PIGV: variants seen among roughly 807,000 people sequenced by gnomAD.
The protein encoded by PIGV is phosphatidylinositol glycan anchor biosynthesis class V.
A neutral mutation model predicts 39.2 loss-of-function variants in PIGV; 27 were observed. The observed-to-expected ratio is 0.69, with a 90% confidence interval of 0.51 to 0.95. The LOEUF (loss-of-function observed/expected upper bound fraction) is 0.95. PIGV is among the 40% of genes least tolerant of loss of function. PIGV has a pLI of 0.00. For missense variants in PIGV, 523 were observed against 586.4 expected (o/e 0.89, Z 1.12); for synonymous variants, 232 against 241.7 (o/e 0.96, Z 0.37).
At chr1:26,796,582 T>C (rs1246683781) in intron 3 of PIGV, among the ~76,000 whole-genome samples, 1 of 152,082 alleles carries the variant, frequency 6.6e-6, no homozygotes, top group Non-Finnish European at 1.5e-5. Flanking sequence ...AATGAGATTT[T>C]CCATATAAGA....
intron 3 of PIGV, 99 bp downstream of exon 3, chr1:26,795,333 A>C: frequency 7.4e-7 from 1 of 1,359,572 alleles, no homozygotes; most frequent in Non-Finnish European, 1.0e-6. Context: ...TGAGTGATCC[A>C]TACTGAATTT....
intron 2 of PIGV, among the ~76,000 whole-genome samples, chr1:26,793,594 C>A (rs1303807422): frequency 6.6e-6 from 1 of 152,072 alleles, no homozygotes; most frequent in African/African-American, 2.4e-5. Flanking sequence ...AGGGTTCAGT[C>A]CTCAAGAAGA....
At chr1:26,789,775 GTCC>G (rs1423001033) in intron 1 of PIGV, among the ~76,000 whole-genome samples, 2 of 152,230 alleles carry the variant, frequency 1.3e-5, no homozygotes, top group East Asian at 3.9e-4. Context: ...TCTTCCAGCC[GTCC>G]TCCTTAAATT....
At chr1:26,793,918 T>A (rs1557627791) in intron 2 of PIGV, among the ~76,000 whole-genome samples, 195 bp from the exon 3 acceptor site, 1 of 151,954 alleles carries the variant, frequency 6.6e-6, no homozygotes, top group African/African-American at 2.4e-5. Flanking sequence ...CTTTTTTTTT[T>A]AGTTTTTATA....
At position 26,790,564 on chromosome 1, in the gene PIGV, T is replaced by G. The variant is rs1373237007; in HGVS notation, c.-57-195T>G. 2.0e-5 allele frequency among the ~76,000 whole-genome samples: 3 copies of G among 152,250 alleles called. No individual in the cohort carries two copies. The East Asian group carries it at 5.8e-4, about 29-fold the overall frequency. ...CTACTTGCTTAGCTGTATGGAACTT[T>G]ACCAACGACAGTTCAGGGCTTCACA... On this transcript the variant is annotated intron_variant, in intron 1 of 3. Coordinates refer to ENST00000674202, the MANE Select transcript of PIGV (RefSeq NM_017837.4).
At chr1:26,790,960 T>C in intron 2 of PIGV, 67 bp downstream of exon 2, 1 of 1,286,770 alleles carries the variant, frequency 7.8e-7, no homozygotes, top group Non-Finnish European at 1.1e-6. Flanking sequence ...GTAAGAAGTG[T>C]CCCCATCTCC....
At position 26,799,190 on chromosome 1, in the gene PIGV, G is replaced by A. The variant is rs1426313605; in HGVS notation, c.*1346G>A. ...CAATGAGGGAAAGCAGTAACATCTGGCAGATAAGGTGCCTGTTGTGCCGTT... is the reference window on the plus strand; with the variant it reads ...CAATGAGGGAAAGCAGTAACATCTGACAGATAAGGTGCCTGTTGTGCCGTT... On this transcript the variant is annotated 3_prime_UTR_variant, in exon 4 of 4. Coordinates refer to ENST00000674202, the MANE Select transcript of PIGV (RefSeq NM_017837.4). Among the ~76,000 whole-genome samples the A allele has an allele frequency of 6.6e-6, 1 of 152,152 alleles. No homozygotes were observed. Among genetic ancestry groups the A allele is most frequent in the Admixed American group, 6.5e-5 (1 of 15,276 alleles).
Position 26,797,703 on chromosome 1 carries a change from A to G in PIGV, c.1341A>G (p.Gln447=), listed in dbSNP as rs2081402996. Residue 447 remains glutamine, a synonymous_variant, in exon 4 of 4, where the codon CAA becomes CAG. Transcript: ENST00000674202. The part of the protein sequence containing the change: ...KPLAEDSPPG[Q]KVPRNPIMGL... ...TTGCAGAGGACTCCCCACCAGGACA[A>G]AAGGTCCCCAGAAATCCTATCATGG... The G allele has an allele frequency of 6.2e-7, 1 of 1,614,192 alleles. No individual in the cohort carries two copies.
At chr1:26,790,037 T>C (rs941593235) in intron 1 of PIGV, among the ~76,000 whole-genome samples, 8 of 152,202 alleles carry the variant, frequency 5.3e-5, no homozygotes, top group Non-Finnish European at 1.2e-4. Context: ...CAAATAACAG[T>C]TTTCTCCATC....
intron 2 of PIGV, 29 bp from the exon 3 acceptor site, chr1:26,794,084 C>A: frequency 6.2e-7 from 1 of 1,611,016 alleles, no homozygotes; most frequent in Non-Finnish European, 8.5e-7. Flanking sequence ...GTTACTCAAC[C>A]AAAATTCTGG....
chr1:26,790,746 C>T lies in PIGV; in HGVS notation c.-57-13C>T. On this transcript the variant is annotated splice_polypyrimidine_tract_variant and intron_variant, in intron 1 of 3. Coordinates refer to ENST00000674202, the MANE Select transcript of PIGV (RefSeq NM_017837.4). ...TCACTCGATGTGTGACATTTTCCTC[C>T]TTTGGGGTTTAGAGGCCTGAGGGAG... is the stretch of plus-strand genomic sequence containing the variant. 8.0e-7 allele frequency: 1 copy of T among 1,253,486 alleles called. No homozygotes were observed. The highest frequency in any genetic ancestry group is 1.2e-6 in the Non-Finnish European group (1 of 851,996). The allele number at this position is 1,253,486 out of a possible 1,614,324, so 77.6% of individuals were successfully genotyped here.
intron 3 of PIGV, among the ~76,000 whole-genome samples, chr1:26,795,568 G>A (rs1186336589): frequency 2.0e-5 from 3 of 151,750 alleles, no homozygotes; most frequent in South Asian, 2.1e-4. Context: ...AAAATTAGCC[G>A]GGCGTGGTGG....
chr1:26,795,932 C>T (rs1234440544), intron 3 of PIGV, among the ~76,000 whole-genome samples: 1 of 151,242 alleles, frequency 6.6e-6, no homozygotes, highest in East Asian at 2.0e-4. Flanking sequence ...GATCTCAGCT[C>T]ACTGCAACCT....
At chr1:26,789,035 G>A (rs987488959) in intron 1 of PIGV, 1 of 152,300 alleles carries the variant, frequency 6.6e-6, no homozygotes, top group Non-Finnish European at 1.5e-5. Context: ...GCAGAGGTGG[G>A]TTAGGTGCTT....
chr1:26,793,141 C>T (rs2081334320), intron 2 of PIGV, among the ~76,000 whole-genome samples: 1 of 152,202 alleles, frequency 6.6e-6, no homozygotes, highest in Admixed American at 6.5e-5. Flanking sequence ...CAATTCTCCC[C>T]TCTCTCCTGC....
In PIGV at chr1:26,794,826, T is replaced by C. The variant is rs1479536801; in HGVS notation, c.792T>C (p.Cys264=). 6.2e-7 allele frequency: 1 copy of C among 1,613,794 alleles called. No homozygotes were observed. The highest frequency in any genetic ancestry group is 1.3e-5 in the African/African-American group (1 of 74,900). ...LFQYYAYTQF[C]LPGSARPIPE... ...AGTATTATGCCTACACCCAATTCTG[T>C]CTGCCAGGCTCAGCCCGCCCCATTC... Residue 264 remains cysteine, a synonymous_variant, in exon 3 of 4, where the codon TGT becomes TGC. Coordinates refer to ENST00000674202, the MANE Select transcript of PIGV (RefSeq NM_017837.4).
chr1:26,795,350 TCA>T, intron 3 of PIGV, 116 bp downstream of exon 3: 2 of 1,211,162 alleles, frequency 1.7e-6, no homozygotes, highest in Non-Finnish European at 2.4e-6. Context: ...ATTTATTCAT[TCA>T]ATGACTATTT....
intron 3 of PIGV, among the ~76,000 whole-genome samples, chr1:26,796,164 AT>A (rs1226934532): frequency 2.5e-3 from 307 of 125,104 alleles, no homozygotes; most frequent in African/African-American, 5.1e-3. Flanking sequence ...TCGGCCTGAG[AT>A]TTTTTTTTTT....
At position 26,795,020 on chromosome 1, in the gene PIGV, T is replaced by G; in HGVS notation, c.986T>G (p.Leu329Arg). 6.2e-7 allele frequency: 1 copy of G among 1,614,212 alleles called. No individual in the cohort carries two copies. Among genetic ancestry groups the G allele is most frequent in the Non-Finnish European group, 8.5e-7 (1 of 1,180,030 alleles). ...GAGCTCAAGCAGGTGCCCAATTTTC[T>G]ACTGGCTGCACCAGTGGCTATACTG... Reference protein sequence around the residue: ...YYELKQVPNFLLAAPVAILVA... With the variant: ...YYELKQVPNFRLAAPVAILVA... Residue 329 changes from leucine to arginine, a missense_variant, in exon 3 of 4, where the codon CTA (leucine) becomes CGA (arginine). Coordinates refer to ENST00000674202, the MANE Select transcript of PIGV (RefSeq NM_017837.4).
Sources: gnomAD v4.1 joint callset for allele counts (sites outside exome capture counted in the v4.1 genomes callset) on GRCh38, gnomAD v4.1.1 for gene constraint, MANE v1.5 for transcripts, NCBI Gene and HGNC (gene_info 2026-07-23, HGNC 2026-07-21) for gene names.